PAFAH2: variants seen among roughly 807,000 people sequenced by gnomAD.
The protein encoded by PAFAH2 is platelet-activating factor acetylhydrolase 2, cytoplasmic.
A neutral mutation model predicts 49.0 loss-of-function variants in PAFAH2; 42 were observed. That is an observed-to-expected ratio of 0.86 (90% CI 0.67 to 1.11). The LOEUF (loss-of-function observed/expected upper bound fraction) is 1.11. Among genes scored for constraint, PAFAH2 ranks in the 50% least tolerant of loss-of-function variants. The pLI is 0.00. For missense variants in PAFAH2, 503 were observed against 501.8 expected (o/e 1.00, Z -0.02); for synonymous variants, 184 against 181.3 (o/e 1.01, Z -0.12).
intron 7 of PAFAH2, among the ~76,000 whole-genome samples, chr1:25,977,826 GA>G (rs1218087051): frequency 7.2e-5 from 11 of 152,118 alleles, no homozygotes; most frequent in Non-Finnish European, 1.6e-4. Flanking sequence ...AGCTGAGGGT[GA>G]AACGGGGATG....
At chr1:25,979,319 C>CTTTTTTTTTTTTTTTT (rs68030738) in intron 7 of PAFAH2, among the ~76,000 whole-genome samples, 1 of 62,156 alleles carries the variant, frequency 1.6e-5, no homozygotes. Flanking sequence ...TTACCAATGC[C>CTTTTTTTTTTTTTTTT]TTTTTTTTTT....
At chr1:25,964,156 A>G (rs1331861184) in intron 10 of PAFAH2, 1 of 152,196 alleles carries the variant, frequency 6.6e-6, no homozygotes, top group Non-Finnish European at 1.5e-5. Flanking sequence ...TAAATTCCTA[A>G]AAGGATCACT....
At chr1:25,988,180 G>C (rs752197197) in intron 4 of PAFAH2, 51 bp downstream of exon 4, 2 of 1,166,452 alleles carry the variant, frequency 1.7e-6, no homozygotes, top group African/African-American at 3.2e-5. Flanking sequence ...AGACTCAGCA[G>C]CTGTCACCAG....
intron 7 of PAFAH2, among the ~76,000 whole-genome samples, chr1:25,977,014 CTTTTTTTTTT>C (rs201548055): frequency 6.8e-5 from 6 of 88,362 alleles, no homozygotes; most frequent in Non-Finnish European, 1.1e-4. Context: ...TTCATGTTTA[CTTTTTTTTTT>C]TTTTTTTTTT....
chr1:25,968,605 TC>T (rs2049462934), intron 10 of PAFAH2, among the ~76,000 whole-genome samples: 1 of 152,158 alleles, frequency 6.6e-6, no homozygotes, highest in South Asian at 2.1e-4. Flanking sequence ...GGAATTTTTT[TC>T]AGAGTGAGAG....
intron 10 of PAFAH2, 37 bp downstream of exon 10, chr1:25,972,521 C>T: frequency 6.3e-7 from 1 of 1,599,764 alleles, no homozygotes; most frequent in Non-Finnish European, 8.5e-7. Context: ...TCTAAGGGAC[C>T]CCACAGCTGC....
chr1:25,974,670 T>C lies in PAFAH2; in HGVS notation c.759-20A>G, dbSNP rs748259511. ...GCACACCTGGAATAGGACCAGACATTTGGAATTGCCATGCGGATCCCAGGC... is the reference window on the plus strand; with the variant it reads ...GCACACCTGGAATAGGACCAGACATCTGGAATTGCCATGCGGATCCCAGGC... On this transcript the variant is annotated intron_variant, in intron 8 of 10. Coordinates refer to ENST00000374282, the MANE Select transcript of PAFAH2 (RefSeq NM_000437.4). The C allele has an allele frequency of 6.2e-7, 1 of 1,603,246 alleles. No homozygotes were observed. The highest frequency in any genetic ancestry group is 1.1e-5 in the South Asian group (1 of 89,680).
At chr1:25,976,123 A>G (rs1048772002) in intron 8 of PAFAH2, among the ~76,000 whole-genome samples, 2 of 152,070 alleles carry the variant, frequency 1.3e-5, no homozygotes, top group Non-Finnish European at 2.9e-5. Flanking sequence ...TCACTTTCTC[A>G]GAGACATATC....
At chr1:25,965,605 C>G (rs2049407534) in intron 10 of PAFAH2, among the ~76,000 whole-genome samples, 1 of 151,994 alleles carries the variant, frequency 6.6e-6, no homozygotes, top group Non-Finnish European at 1.5e-5. Flanking sequence ...CACTTGAGGT[C>G]AGGAGTTTGA....
chr1:25,978,059 GC>G, intron 7 of PAFAH2, among the ~76,000 whole-genome samples: 2 of 152,228 alleles, frequency 1.3e-5, no homozygotes, highest in South Asian at 4.2e-4. Flanking sequence ...GGCTCTGGAG[GC>G]CTCTCCAGGC....
intron 7 of PAFAH2, among the ~76,000 whole-genome samples, chr1:25,981,866 C>G (rs963999881): frequency 3.3e-5 from 5 of 152,022 alleles, no homozygotes; most frequent in African/African-American, 1.2e-4. Context: ...AGTAAAAATA[C>G]AAAAATTAGC....
In PAFAH2 at chr1:25,988,263, C is replaced by T. The variant is rs1449423985; in HGVS notation, c.309G>A (p.Leu103=). 1 of 1,609,030 alleles carries T rather than the reference C, an allele frequency of 6.2e-7. No homozygotes were observed. The highest frequency in any genetic ancestry group is 2.3e-5 in the East Asian group (1 of 44,380). Residue 103 remains leucine, a synonymous_variant, in exon 4 of 11, where the codon TTG becomes TTA. Coordinates refer to ENST00000374282, the MANE Select transcript of PAFAH2 (RefSeq NM_000437.4). The part of the protein sequence containing the change: ...PFKTKDSGYP[L]IIFSHGLGAF... The stretch of plus-strand genomic sequence containing the variant: ...CTCCTAGGCCATGGGAGAAGATGAT[C>T]AAGGGGTATCCAGAGTCCTTTGTCT...
intron 1 of PAFAH2, among the ~76,000 whole-genome samples, chr1:25,996,629 G>GA (rs552935985): frequency 1.2e-3 from 181 of 152,178 alleles, no homozygotes; most frequent in African/African-American, 4.3e-3. Context: ...GCGACAGAGC[G>GA]AGACTCCATC....
chr1:25,972,628 C>T lies in PAFAH2; in HGVS notation c.1014G>A (p.Gly338=). The change falls in exon 10 of 11, where the codon GGG becomes GGA. Residue 338 remains glycine, a synonymous_variant. Coordinates refer to ENST00000374282, the MANE Select transcript of PAFAH2 (RefSeq NM_000437.4). ...CCTGCCCTTCATAGGGGTCCAGGCT[C>T]CCACGGGTTTCAGTGGAGAAGAATT... ...IGKFFSTETR[G]SLDPYEGQEV... is the part of the protein sequence containing the mutation. 6.2e-7 allele frequency: 1 copy of T among 1,613,894 alleles called. No homozygotes were observed. Among genetic ancestry groups the T allele is most frequent in the South Asian group, 1.1e-5 (1 of 91,068 alleles).
chr1:25,968,549 C>G (rs1384437730), intron 10 of PAFAH2, among the ~76,000 whole-genome samples: 1 of 152,096 alleles, frequency 6.6e-6, no homozygotes, highest in African/African-American at 2.4e-5. Flanking sequence ...CACCAGTCTT[C>G]ATAGAAGATC....
At chr1:25,966,925 G>A (rs546650553) in intron 10 of PAFAH2, among the ~76,000 whole-genome samples, 4 of 151,680 alleles carry the variant, frequency 2.6e-5, no homozygotes, top group Non-Finnish European at 4.4e-5. Flanking sequence ...CCAGCTACTC[G>A]GGAGGCTGAG....
intron 10 of PAFAH2, among the ~76,000 whole-genome samples, chr1:25,972,289 A>G (rs1487292767): frequency 1.3e-5 from 2 of 149,568 alleles, no homozygotes; most frequent in Non-Finnish European, 3.0e-5. Flanking sequence ...GTAAAGATAG[A>G]GTCTCACTAT....
chr1:25,973,463 T>C (rs1172662147), intron 9 of PAFAH2, among the ~76,000 whole-genome samples: 4 of 152,224 alleles, frequency 2.6e-5, no homozygotes, highest in Non-Finnish European at 4.4e-5. Flanking sequence ...ATATATGGGA[T>C]ACTTGAGTAT....
In PAFAH2 at chr1:25,960,629, G is replaced by T. The variant is rs1236650271; in HGVS notation, c.*1360C>A. 1 of 152,468 alleles carries T rather than the reference G, an allele frequency of 6.6e-6. No homozygotes were observed. Among genetic ancestry groups the T allele is most frequent in the Non-Finnish European group, 1.5e-5 (1 of 68,028 alleles). The allele number at this position is 152,468 out of a possible 1,614,324, so 9.4% of individuals were successfully genotyped here. ...CAGAATGGAAATTCAGTCTGTATCT[G>T]ACTTAAATTTGGGGCAAGGGCCTCA... On this transcript the variant is annotated 3_prime_UTR_variant, in exon 11 of 11. Transcript: ENST00000374282.
Sources: allele counts gnomAD v4.1 joint callset (sites outside exome capture counted in the v4.1 genomes callset), GRCh38; gene constraint gnomAD v4.1.1; transcripts MANE v1.5; gene names NCBI Gene and HGNC (gene_info 2026-07-23, HGNC 2026-07-21).